Variants in KCTD15 observed in about 807,000 individuals in gnomAD.
KCTD15 encodes the protein potassium channel tetramerization domain containing 15, also known as BTB/POZ domain-containing protein KCTD15.
In KCTD15, 11 loss-of-function variants were observed where a neutral mutation model predicts 27.2. The observed-to-expected ratio is 0.41, with a 90% CI of 0.25 to 0.67. The LOEUF is 0.67. Among genes scored for constraint, KCTD15 ranks in the 30% least tolerant of loss-of-function variants. KCTD15 has a pLI of 0.35. For synonymous variants in KCTD15, 163 were observed against 176.0 expected, an observed-to-expected ratio of 0.93 and a Z score of 0.58; for missense variants, 350 against 409.3, an observed-to-expected ratio of 0.86 and a Z score of 1.25.
chr19:33,811,457 G>A lies in KCTD15; in HGVS notation c.598G>A (p.Val200Ile), dbSNP rs376123855. The stretch of plus-strand genomic sequence containing the variant: ...GGAGGTCTTCCCCGAGACCGGAGAC[G>A]TCATGTGCAACTCCGTCAACGCCGG... ...IEEVFPETGD[V>I]MCNSVNAGWN... Residue 200 changes from valine to isoleucine, a missense_variant, in exon 6 of 7, where the codon GTC (valine) becomes ATC (isoleucine). This residue lies in a region of KCTD15 where 219 missense variants were observed against 234.9 expected (regional missense o/e 0.93). Coordinates refer to ENST00000683859, the MANE Select transcript of KCTD15 (RefSeq NM_001129994.2). 5.0e-6 allele frequency: 8 copies of A among 1,612,964 alleles called. No individual in the cohort carries two copies. Among genetic ancestry groups the A allele is most frequent in the African/African-American group, 2.7e-5 (2 of 75,032 alleles).
At chr19:33,801,449 G>A in intron 4 of KCTD15, 107 bp downstream of exon 4, 1 of 979,994 alleles carries the variant, frequency 1.0e-6, no homozygotes, top group South Asian at 1.8e-5. Context: ...CACCCACCAG[G>A]GTCTCCAGGG....
upstream of KCTD15, among the ~76,000 whole-genome samples, chr19:33,795,463 C>T (rs1975291527): frequency 6.6e-6 from 1 of 151,982 alleles, no homozygotes; most frequent in South Asian, 2.1e-4. Context: ...AGTGCGGCCG[C>T]TAGGGGGCGT....
rs1301478215 is a variant in KCTD15 at position 33,798,723 on chromosome 19, CCT to C, written c.-70_-69del. On this transcript the variant is annotated 5_prime_UTR_variant, in exon 2 of 7. An upstream open reading frame in the 5' UTR loses its in-frame stop. Coordinates refer to ENST00000683859, the MANE Select transcript of KCTD15 (RefSeq NM_001129994.2). Reference sequence around the variant, plus strand: ...GCACGGATGCGCTTGTTGGGAGAAACCTTGGAGATTCACGGCAAGGCGTAAAG... The same window carrying C: ...GCACGGATGCGCTTGTTGGGAGAAACTGGAGATTCACGGCAAGGCGTAAAG... 1.3e-5 allele frequency: 2 copies of C among 152,648 alleles called. No individual in the cohort carries two copies. The highest frequency in any genetic ancestry group is 2.9e-5 in the Non-Finnish European group (2 of 68,062). The allele number at this position is 152,648 out of a possible 1,614,324, so 9.5% of individuals were successfully genotyped here. A position where few individuals can be genotyped will look rare whatever the true frequency, so the allele number is the denominator to read the frequency against.
chr19:33,811,694 C>G (rs771673676), intron 6 of KCTD15, 142 bp downstream of exon 6: 1 of 1,518,662 alleles, frequency 6.6e-7, no homozygotes, highest in East Asian at 2.3e-5. Flanking sequence ...AACAATGTGT[C>G]GATGCATAAT....
chr19:33,795,203 A>T (rs1250943242), upstream of KCTD15, among the ~76,000 whole-genome samples: 1 of 152,260 alleles, frequency 6.6e-6, no homozygotes, highest in South Asian at 2.1e-4. Context: ...CTTTAATGAG[A>T]AAATTTCCCC....
chr19:33,806,157 TGCTGTG>T (rs1319483476), intron 4 of KCTD15, among the ~76,000 whole-genome samples: 1 of 152,236 alleles, frequency 6.6e-6, no homozygotes, highest in Admixed American at 6.5e-5. Context: ...TGCATGTGTG[TGCTGTG>T]GCACACTTGC....
At position 33,806,766 on chromosome 19, in the gene KCTD15, C is replaced by G. The variant is rs113254253; in HGVS notation, c.243-97C>G. ...ACCCATGTCAGGTCCCTCGCCCCTCCAGCCGTGTGGGCCCTCAGGAGTGGG... is the reference window on the plus strand; with the variant it reads ...ACCCATGTCAGGTCCCTCGCCCCTCGAGCCGTGTGGGCCCTCAGGAGTGGG... On this transcript the variant is annotated intron_variant, in intron 4 of 6. Transcript: ENST00000683859. The G allele has an allele frequency of 6.5e-4, 932 of 1,425,376 alleles. 6 individuals carry two copies. The African/African-American group carries it at 0.011, about 17-fold the overall frequency. 88.3% of individuals were successfully genotyped at this position (1,425,376 alleles called of 1,614,324 possible). A position where few individuals can be genotyped will look rare whatever the true frequency, so the allele number is the denominator to read the frequency against.
At position 33,811,354 on chromosome 19, in the gene KCTD15, C is replaced by T. The variant is rs1373936994; in HGVS notation, c.495C>T (p.Ala165=). ...QEQEQRRRSR[A]CDCLVVRVTP... ...AGGAGCAGCGGCGCCGCAGCCGGGC[C>T]TGTGACTGCCTGGTGGTGCGCGTCA... Residue 165 remains alanine (A), a synonymous_variant, in exon 6 of 7, where the codon GCC becomes GCT. Coordinates refer to ENST00000683859, the MANE Select transcript of KCTD15 (RefSeq NM_001129994.2). 3 of 1,572,594 alleles carry T rather than the reference C, an allele frequency of 1.9e-6. No homozygotes were observed. The highest frequency in any genetic ancestry group is 2.3e-5 in the South Asian group (2 of 86,296).
chr19:33,797,680 C>T (rs1047069592), intron 1 of KCTD15, among the ~76,000 whole-genome samples: 1 of 147,338 alleles, frequency 6.8e-6, no homozygotes, highest in Non-Finnish European at 1.5e-5. Context: ...GGCGGACCCC[C>T]GCCTCTGCAG....
In KCTD15 at chr19:33,813,736, C is replaced by T. The variant is rs1976007588; in HGVS notation, c.*788C>T. ...ACCTGGGCTGCTGGAGAAGTCTCCT[C>T]CCGTTCGGACCAGCCTCAGGGCTGC... On this transcript the variant is annotated 3_prime_UTR_variant, in exon 7 of 7. Coordinates refer to ENST00000683859, the MANE Select transcript of KCTD15 (RefSeq NM_001129994.2). 1.5e-5 allele frequency: 3 copies of T among 200,342 alleles called. No homozygotes were observed. In the South Asian group the frequency reaches 2.2e-4, roughly 14 times the overall value. The allele number at this position is 200,342 out of a possible 1,614,324, so 12.4% of individuals were successfully genotyped here. A position where few individuals can be genotyped will look rare whatever the true frequency, so the allele number is the denominator to read the frequency against.
At chr19:33,800,577 C>A in intron 3 of KCTD15, 57 bp downstream of exon 3, 1 of 1,475,422 alleles carries the variant, frequency 6.8e-7, no homozygotes, top group Non-Finnish European at 9.3e-7. Flanking sequence ...CCCTTCTTCC[C>A]CAGTGCCTGT....
intron 5 of KCTD15, among the ~76,000 whole-genome samples, chr19:33,809,287 AACTTT>A (rs1167801062): frequency 1.3e-5 from 2 of 152,146 alleles, no homozygotes; most frequent in East Asian, 1.9e-4. Flanking sequence ...TAAATAAATA[AACTTT>A]ACTTTTAAAG....
chr19:33,808,905 G>A (rs1468055773), intron 5 of KCTD15, among the ~76,000 whole-genome samples: 1 of 152,016 alleles, frequency 6.6e-6, no homozygotes, highest in Non-Finnish European at 1.5e-5. Context: ...GAGGCCGAAT[G>A]GGGAGGATCC....
chr19:33,796,599 G>C (rs907598944), upstream of KCTD15: 2 of 151,718 alleles, frequency 1.3e-5, no homozygotes, highest in East Asian at 2.0e-4. Flanking sequence ...GGGCTGGAGT[G>C]GGGGGCTGGT....
chr19:33,797,216 A>G (rs1975346854), intron 1 of KCTD15, among the ~76,000 whole-genome samples: 1 of 148,790 alleles, frequency 6.7e-6, no homozygotes, highest in Non-Finnish European at 1.5e-5. Flanking sequence ...GACCCTCCCC[A>G]CGCGGGCGGT....
At chr19:33,812,180 G>C in intron 6 of KCTD15, 1 of 1,146,480 alleles carries the variant, frequency 8.7e-7, no homozygotes, top group Non-Finnish European at 1.1e-6. Context: ...CTAGTTGCAG[G>C]AGACGGGTGT....
intron 1 of KCTD15, chr19:33,797,483 C>T: frequency 2.4e-6 from 1 of 419,874 alleles, no homozygotes; most frequent in Admixed American, 2.6e-5. Context: ...TGACGCCCAC[C>T]CCACGAGTCC....
At chr19:33,807,305 C>T (rs545786933) in intron 5 of KCTD15, among the ~76,000 whole-genome samples, 4 of 152,220 alleles carry the variant, frequency 2.6e-5, no homozygotes, top group Admixed American at 6.5e-5. Flanking sequence ...TCTGTTCCAT[C>T]GGCTGGGTGC....
chr19:33,801,909 T>A lies in KCTD15; in HGVS notation c.242+567T>A, dbSNP rs372967632. Among the ~76,000 whole-genome samples the A allele has an allele frequency of 7.9e-5, 12 of 152,296 alleles. No individual in the cohort carries two copies. In the East Asian group the frequency reaches 2.1e-3, roughly 27 times the overall value. On this transcript the variant is annotated intron_variant, in intron 4 of 6. Coordinates refer to ENST00000683859, the MANE Select transcript of KCTD15 (RefSeq NM_001129994.2). The stretch of plus-strand genomic sequence containing the variant: ...GCTAGCAGCAGGCTTCCCTTGGAGC[T>A]GGTGCTGCAGTGACTAGCTAGGAAT...
Sources: allele counts gnomAD v4.1 joint callset (sites outside exome capture counted in the v4.1 genomes callset), GRCh38; gene constraint gnomAD v4.1.1; regional missense constraint gnomAD v4.1.1; transcripts MANE v1.5; gene names NCBI Gene and HGNC (gene_info 2026-07-23, HGNC 2026-07-21).